ATP2C2: variants seen among roughly 807,000 people sequenced by gnomAD.
ATP2C2 encodes calcium-transporting ATPase type 2C member 2.
A neutral mutation model predicts 110.8 loss-of-function variants in ATP2C2; 171 were observed. The ratio of observed to expected loss-of-function variants is 1.54; its 90% CI spans 1.36 to 1.75. The LOEUF (loss-of-function observed/expected upper bound fraction) is 1.75. ATP2C2 is among the 40% of genes most tolerant of loss of function. The probability of loss-of-function intolerance (pLI) is 0.00; values close to 1 mark genes in which losing one functional copy is unlikely to be tolerated. For missense variants in ATP2C2, 1,963 were observed against 1,235.0 expected, an observed-to-expected ratio of 1.59 and a Z score of -8.84; for synonymous variants, 804 against 508.4, an observed-to-expected ratio of 1.58 and a Z score of -7.82.
At chr16:84,453,517 T>G in intron 20 of ATP2C2, 146 bp downstream of exon 20, 2 of 1,115,430 alleles carry the variant, frequency 1.8e-6, no homozygotes, top group Non-Finnish European at 2.7e-6. Flanking sequence ...GCCCCGGGAG[T>G]TACCTTTTCA....
intron 2 of ATP2C2, among the ~76,000 whole-genome samples, chr16:84,399,105 C>G (rs905307679): frequency 1.3e-5 from 2 of 152,222 alleles, no homozygotes; most frequent in Non-Finnish European, 2.9e-5. Context: ...TAATTCCTGG[C>G]CAGTGCAAGA....
At chr16:84,376,994 G>A (rs546879005) in intron 1 of ATP2C2, among the ~76,000 whole-genome samples, 1 of 152,328 alleles carries the variant, frequency 6.6e-6, no homozygotes, top group East Asian at 1.9e-4. Flanking sequence ...CTGGATCTGT[G>A]GACGCTTCAG....
intron 1 of ATP2C2, among the ~76,000 whole-genome samples, chr16:84,391,584 G>A (rs1904666120): frequency 6.6e-6 from 1 of 152,222 alleles, no homozygotes; most frequent in Non-Finnish European, 1.5e-5. Flanking sequence ...TGTGCTGGCA[G>A]AGGCAGAGAC....
chr16:84,434,811 C>T (rs781506302), intron 11 of ATP2C2, among the ~76,000 whole-genome samples: 3 of 152,208 alleles, frequency 2.0e-5, no homozygotes, highest in African/African-American at 7.2e-5. Flanking sequence ...AGCCACCACA[C>T]CCGGCCCATT....
chr16:84,408,476 C>A lies in ATP2C2; in HGVS notation c.399C>A (p.Asp133Glu). ...GTGTCCTCACCAAGGAGTATGAGGA[C>A]GCCGTCAGCATCGCCACGGTGAGTT... ...LVSVLTKEYE[D>E]AVSIATAVLV... Residue 133 changes from aspartate (D) to glutamate (E), a missense_variant, in exon 4 of 27, where the codon GAC becomes GAA. Transcript: ENST00000262429. The A allele has an allele frequency of 6.2e-7, 1 of 1,613,388 alleles. No individual in the cohort carries two copies. The highest frequency in any genetic ancestry group is 8.5e-7 in the Non-Finnish European group (1 of 1,179,966).
intron 15 of ATP2C2, among the ~76,000 whole-genome samples, 190 bp downstream of exon 15, chr16:84,442,789 C>T (rs377663584): frequency 6.6e-6 from 1 of 152,136 alleles, no homozygotes; most frequent in Non-Finnish European, 1.5e-5. Context: ...CACGGGACTT[C>T]AGCAAGTTCT....
In ATP2C2 at chr16:84,453,338, G is replaced by A. The variant is rs1481038518; in HGVS notation, c.1947G>A (p.Arg649=). The A allele has an allele frequency of 1.2e-6, 2 of 1,614,146 alleles. No individual in the cohort carries two copies. Among genetic ancestry groups the A allele is most frequent in the Non-Finnish European group, 8.5e-7 (1 of 1,180,020 alleles). The change falls in exon 20 of 27, where the codon AGG becomes AGA. Residue 649 remains arginine (R), a synonymous_variant. Coordinates refer to ENST00000262429, the MANE Select transcript of ATP2C2 (RefSeq NM_014861.4). ...GTGTCCAGGTGTCCGTGTTCTTCAGGACCAGCCCAAAGCACAAGCTCAAAA... is the reference window on the plus strand; with the variant it reads ...GTGTCCAGGTGTCCGTGTTCTTCAGAACCAGCCCAAAGCACAAGCTCAAAA... ...DRVGKVSVFF[R]TSPKHKLKII...
At chr16:84,386,598 G>T (rs1027116803) in intron 1 of ATP2C2, among the ~76,000 whole-genome samples, 3 of 152,102 alleles carry the variant, frequency 2.0e-5, no homozygotes, top group African/African-American at 7.2e-5. Flanking sequence ...CTCCTTGCTC[G>T]CTGGTGTCAC....
intron 16 of ATP2C2, among the ~76,000 whole-genome samples, chr16:84,448,197 C>A (rs900311058): frequency 6.6e-6 from 1 of 152,146 alleles, no homozygotes; most frequent in African/African-American, 2.4e-5. Context: ...GTTAATCACA[C>A]CCCCAAAGGC....
At chr16:84,436,373 G>C (rs776230079) in intron 11 of ATP2C2, among the ~76,000 whole-genome samples, 1 of 152,168 alleles carries the variant, frequency 6.6e-6, no homozygotes, top group Non-Finnish European at 1.5e-5. Flanking sequence ...CGCCACGTGG[G>C]CTTGCTCGCC....
In ATP2C2 at chr16:84,462,137, G is replaced by C. The variant is rs761862082; in HGVS notation, c.2722+8G>C. The C allele has an allele frequency of 1.2e-6, 2 of 1,610,984 alleles. No homozygotes were observed. Among genetic ancestry groups the C allele is most frequent in the East Asian group, 2.2e-5 (1 of 44,834 alleles). ...AGAACCTGGGAGCGCTTGGTGAGTG[G>C]TGGGGACGGGAACGACAGGTGACCT... On this transcript the variant is annotated splice_region_variant and intron_variant, in intron 26 of 26. Coordinates refer to ENST00000262429, the MANE Select transcript of ATP2C2 (RefSeq NM_014861.4).
intron 11 of ATP2C2, among the ~76,000 whole-genome samples, chr16:84,427,633 C>G (rs1907915731): frequency 6.6e-6 from 1 of 152,152 alleles, no homozygotes; most frequent in South Asian, 2.1e-4. Context: ...AGAAGAATCG[C>G]TTGAGCCCGG....
chr16:84,382,288 A>G (rs1910623327), intron 1 of ATP2C2, among the ~76,000 whole-genome samples: 1 of 152,144 alleles, frequency 6.6e-6, no homozygotes, highest in South Asian at 2.1e-4. Flanking sequence ...TTCCAGCTTC[A>G]TCCATGTCCC....
chr16:84,368,608 C>G lies in ATP2C2; in HGVS notation c.-8C>G, dbSNP rs537921993. The stretch of plus-strand genomic sequence containing the variant: ...TAGGGACGCAGGCAACGCCTGCGCC[C>G]GCTCACCATGGTCGAGGGACGCGTC... On this transcript the variant is annotated 5_prime_UTR_variant, in exon 1 of 27. Coordinates refer to ENST00000262429, the MANE Select transcript of ATP2C2 (RefSeq NM_014861.4). The G allele has an allele frequency of 1.2e-4, 180 of 1,549,980 alleles. No homozygotes were observed. In the African/African-American group the frequency reaches 2.3e-3, roughly 20 times the overall value.
chr16:84,391,508 G>A (rs1451497867), intron 1 of ATP2C2, among the ~76,000 whole-genome samples: 1 of 152,218 alleles, frequency 6.6e-6, no homozygotes, highest in East Asian at 1.9e-4. Context: ...GGAGTTGTGT[G>A]GGCCCTAACC....
chr16:84,405,205 T>G lies in ATP2C2; in HGVS notation c.288T>G (p.Ala96=). ...RLAHGWNEFV[A]DNSEPVWKKY... is the part of the protein sequence containing the mutation. The stretch of plus-strand genomic sequence containing the variant: ...CCCATGGCTGGAATGAGTTTGTTGC[T>G]GACAACAGCGAACCTGTGTGGAAGA... The change falls in exon 3 of 27, where the codon GCT becomes GCG. Residue 96 remains alanine (A), a synonymous_variant. Coordinates refer to ENST00000262429, the MANE Select transcript of ATP2C2 (RefSeq NM_014861.4). 6.2e-7 allele frequency: 1 copy of G among 1,614,114 alleles called. No individual in the cohort carries two copies. The highest frequency in any genetic ancestry group is 8.5e-7 in the Non-Finnish European group (1 of 1,180,002).
intron 17 of ATP2C2, among the ~76,000 whole-genome samples, chr16:84,450,547 G>C (rs934503767): frequency 6.6e-6 from 1 of 152,134 alleles, no homozygotes; most frequent in Non-Finnish European, 1.5e-5. Context: ...GATGCTCCTG[G>C]GTTGGCAAAG....
In ATP2C2 at chr16:84,442,618, G is replaced by A; in HGVS notation, c.1401+19G>A. On this transcript the variant is annotated intron_variant, in intron 15 of 26. Transcript: ENST00000262429. ...GATGAAGGTAGGAGGTCCTGGGGTG[G>A]CTCTGCGGGGAATTCTTTCGCTCGG... 6.2e-7 allele frequency: 1 copy of A among 1,610,378 alleles called. No homozygotes were observed. The highest frequency in any genetic ancestry group is 8.5e-7 in the Non-Finnish European group (1 of 1,177,006).
At chr16:84,400,515 G>C (rs944576334) in intron 2 of ATP2C2, among the ~76,000 whole-genome samples, 57 of 152,018 alleles carry the variant, frequency 3.7e-4, no homozygotes, top group African/African-American at 1.4e-3. Context: ...TTTTAGTAGA[G>C]ACGGGGTTTC....
Sources: gnomAD v4.1 joint callset for allele counts (sites outside exome capture counted in the v4.1 genomes callset) on GRCh38, gnomAD v4.1.1 for gene constraint, MANE v1.5 for transcripts, NCBI Gene and HGNC (gene_info 2026-07-23, HGNC 2026-07-21) for gene names.